NTRK3: variants seen among roughly 807,000 people sequenced by gnomAD.
NTRK3 encodes NT-3 growth factor receptor.
NTRK3 carries 24 observed loss-of-function variants against 91.7 expected under a neutral mutation model. The observed-to-expected ratio is 0.26, with a 90% CI of 0.19 to 0.37. The LOEUF (loss-of-function observed/expected upper bound fraction) is 0.37. Among genes scored for constraint, NTRK3 ranks in the 10% least tolerant of loss-of-function variants. NTRK3 has a pLI of 1.00. For missense variants in NTRK3, 880 were observed against 1,068.9 expected (o/e 0.82, Z 2.46); for synonymous variants, 483 against 404.0 (o/e 1.20, Z -2.34).
intron 3 of NTRK3, among the ~76,000 whole-genome samples, chr15:88,246,524 C>G (rs1445851918): frequency 2.6e-5 from 4 of 152,198 alleles, no homozygotes; most frequent in African/African-American, 9.7e-5. Context: ...AAGCTCGCTT[C>G]CTCCATGATA....
intron 14 of NTRK3, among the ~76,000 whole-genome samples, chr15:87,959,467 C>T (rs550896116): frequency 3.6e-4 from 55 of 152,278 alleles, no homozygotes; most frequent in Non-Finnish European, 6.0e-4. Context: ...TCAGCAGATC[C>T]GAATTCTGAA....
At chr15:88,217,669 C>T (rs2049900642) in intron 3 of NTRK3, among the ~76,000 whole-genome samples, 1 of 152,108 alleles carries the variant, frequency 6.6e-6, no homozygotes, top group East Asian at 1.9e-4. Context: ...GTTTGGGAGA[C>T]CAGTTACACA....
At chr15:87,932,263 G>C (rs552832682) in intron 16 of NTRK3, among the ~76,000 whole-genome samples, 5 of 152,198 alleles carry the variant, frequency 3.3e-5, no homozygotes, top group African/African-American at 1.2e-4. Context: ...TTTCTTTTTA[G>C]AATAGTACTA....
At chr15:88,152,349 T>C (rs1345879364) in intron 5 of NTRK3, among the ~76,000 whole-genome samples, 1 of 152,180 alleles carries the variant, frequency 6.6e-6, no homozygotes, top group Admixed American at 6.5e-5. Context: ...ACCCCCATTG[T>C]GTCTGTATTT....
At chr15:88,208,562 A>G (rs2048979938) in intron 3 of NTRK3, among the ~76,000 whole-genome samples, 3 of 152,122 alleles carry the variant, frequency 2.0e-5, no homozygotes, top group Non-Finnish European at 4.4e-5. Context: ...AGCTCCCAGG[A>G]TGGCTGAGGC....
intron 17 of NTRK3, among the ~76,000 whole-genome samples, chr15:87,889,756 T>C (rs1026785121): frequency 2.0e-5 from 3 of 152,090 alleles, no homozygotes; most frequent in African/African-American, 7.2e-5. Flanking sequence ...CAGAGACATA[T>C]GGTTTTGTTG....
chr15:88,055,452 A>G (rs1213216388), intron 13 of NTRK3, among the ~76,000 whole-genome samples: 2 of 152,202 alleles, frequency 1.3e-5, no homozygotes, highest in Admixed American at 6.5e-5. Context: ...TATTTCCTGG[A>G]AATATGAAAT....
At chr15:88,089,994 T>A (rs1045120013) in intron 13 of NTRK3, among the ~76,000 whole-genome samples, 2 of 152,174 alleles carry the variant, frequency 1.3e-5, no homozygotes, top group Non-Finnish European at 2.9e-5. Flanking sequence ...TCCAGGCTGC[T>A]CTTTGAACAT....
intron 14 of NTRK3, among the ~76,000 whole-genome samples, chr15:87,952,611 G>A (rs760568995): frequency 4.6e-5 from 7 of 152,260 alleles, no homozygotes; most frequent in African/African-American, 1.2e-4. Flanking sequence ...TTGGCCGCCG[G>A]CTCACCCTGT....
At chr15:87,917,276 A>G (rs1274530777) in intron 17 of NTRK3, among the ~76,000 whole-genome samples, 1 of 152,216 alleles carries the variant, frequency 6.6e-6, no homozygotes, top group Non-Finnish European at 1.5e-5. Flanking sequence ...TCTCTCACTG[A>G]AAATAGCTTC....
At chr15:88,094,864 G>A (rs2150799864) in intron 13 of NTRK3, among the ~76,000 whole-genome samples, 1 of 152,288 alleles carries the variant, frequency 6.6e-6, no homozygotes, top group Non-Finnish European at 1.5e-5. Flanking sequence ...TATTATTATT[G>A]CTTAAATTAA....
chr15:88,212,660 A>C (rs2049354808), intron 3 of NTRK3, among the ~76,000 whole-genome samples: 1 of 149,020 alleles, frequency 6.7e-6, no homozygotes, highest in African/African-American at 2.5e-5. Flanking sequence ...TACCTCTCCA[A>C]CCTGGTAGAT....
At chr15:87,949,069 T>C (rs941222989) in intron 14 of NTRK3, among the ~76,000 whole-genome samples, 1 of 152,056 alleles carries the variant, frequency 6.6e-6, no homozygotes, top group Admixed American at 6.5e-5. Context: ...CCACTAACTA[T>C]ATGATGAATG....
At chr15:87,868,223 G>T in exon 19 of NTRK3, 2 of 229,624 alleles carry the variant, frequency 8.7e-6, no homozygotes. Context: ...AATTAAAAAC[G>T]TGAATGTAGT....
intron 5 of NTRK3, 74 bp from the exon 6 acceptor site, chr15:88,147,477 T>C: frequency 8.2e-7 from 1 of 1,223,546 alleles, no homozygotes; most frequent in African/African-American, 1.5e-5. Flanking sequence ...GTAAGCTTAA[T>C]CATTTCACTG....
intron 3 of NTRK3, among the ~76,000 whole-genome samples, chr15:88,218,611 C>T (rs996117619): frequency 3.3e-5 from 5 of 152,276 alleles, no homozygotes; most frequent in Admixed American, 1.3e-4. Context: ...CAGCTGGAGC[C>T]CTGTGCACCA....
chr15:88,053,213 G>T (rs1028655098), intron 13 of NTRK3, among the ~76,000 whole-genome samples: 16 of 152,180 alleles, frequency 1.1e-4, no homozygotes, highest in Non-Finnish European at 1.8e-4. Context: ...ACAAAGGAAG[G>T]TGCAGCAGGG....
chr15:87,994,289 A>C (rs2075515293), intron 14 of NTRK3, among the ~76,000 whole-genome samples: 1 of 152,200 alleles, frequency 6.6e-6, no homozygotes, highest in African/African-American at 2.4e-5. Context: ...TCATATTGTC[A>C]CCTTATTTGA....
exon 3 of NTRK3, chr15:88,256,067 C>A (rs2142089092): frequency 6.2e-7 from 1 of 1,613,324 alleles, no homozygotes; most frequent in Non-Finnish European, 8.5e-7. Context: ...GGCAAGCCAG[C>A]ACGGAGCCCA....
Sources: gnomAD v4.1 joint callset for allele counts (sites outside exome capture counted in the v4.1 genomes callset) on GRCh38, gnomAD v4.1.1 for gene constraint, MANE v1.5 for transcripts, NCBI Gene and HGNC (gene_info 2026-07-23, HGNC 2026-07-21) for gene names.